Variants in LAMA5 observed in about 807,000 individuals in gnomAD.
The protein encoded by LAMA5 is laminin subunit alpha-5.
In LAMA5, 260 loss-of-function variants were observed where a neutral mutation model predicts 433.4. That is an observed-to-expected ratio of 0.60 (90% CI 0.54 to 0.66). LAMA5 has a LOEUF of 0.66. Ranked by LOEUF, LAMA5 falls within the 30% of genes least tolerant of loss-of-function variation. The pLI is 0.00. For missense variants in LAMA5, 5,378 were observed against 5,258.5 expected, an observed-to-expected ratio of 1.02 and a Z score of -0.70; for synonymous variants, 2,620 against 2,226.6, an observed-to-expected ratio of 1.18 and a Z score of -4.97.
intron 7 of LAMA5, 54 bp downstream of exon 7, chr20:62,346,859 C>G: frequency 6.2e-7 from 1 of 1,606,926 alleles, no homozygotes; most frequent in Non-Finnish European, 8.5e-7. Flanking sequence ...CACCGGGGCC[C>G]TCTCATGGGC....
rs144323773 is a variant in LAMA5 at position 62,312,527 on chromosome 20, C to T, written c.9233G>A (p.Arg3078Gln). 758 of 1,599,190 alleles carry T rather than the reference C, an allele frequency of 4.7e-4. No homozygotes were observed. The highest frequency in any genetic ancestry group is 7.3e-4 in the Admixed American group (44 of 59,914). The change falls in exon 68 of 80, where the codon CGA becomes CAA. Residue 3078 changes from arginine to glutamine, a missense_variant. Arg to Gln is a conservative substitution (Grantham distance 43). Coordinates refer to ENST00000252999, the MANE Select transcript of LAMA5 (RefSeq NM_005560.6). Reference protein sequence around the residue: ...VPPDQLPPSLRRLFPTGGSVR... With the variant: ...VPPDQLPPSLQRLFPTGGSVR... ...TGAGCCTCCGGTGGGGAAGAGCCGTCGCAGGCTGTGGGGAAGCGGGGATGC... is the reference window on the plus strand; with the variant it reads ...TGAGCCTCCGGTGGGGAAGAGCCGTTGCAGGCTGTGGGGAAGCGGGGATGC...
intron 18 of LAMA5, 51 bp downstream of exon 18, chr20:62,336,289 G>T (rs755563823): frequency 2.3e-6 from 3 of 1,329,610 alleles, no homozygotes; most frequent in South Asian, 2.7e-5. Flanking sequence ...ATACTTGTGG[G>T]CACAGTTCCC....
chr20:62,328,510 A>T, intron 34 of LAMA5, 65 bp from the exon 35 acceptor site: 20 of 1,414,090 alleles, frequency 1.4e-5, no homozygotes, highest in Non-Finnish European at 1.8e-5. Flanking sequence ...GAGGCCCAGA[A>T]TGCAGCCCTA....
At position 62,360,524 on chromosome 20, in the gene LAMA5, TGGGTGG is replaced by T. The variant is rs1273757052; in HGVS notation, c.450+1870_450+1875del. 2.3e-3 allele frequency among the ~76,000 whole-genome samples: 4 copies of T among 1,750 alleles called. 2 individuals carry two copies. Among genetic ancestry groups the T allele is most frequent in the African/African-American group, 9.4e-3 (4 of 424 alleles). 1.1% of individuals were successfully genotyped at this position (1,750 alleles called of 152,430 possible). On this transcript the variant is annotated intron_variant, in intron 2 of 79. Transcript: ENST00000252999. ...GTGGAGGGATAGATGGGTGGGTGGG[TGGGTGG>T]AGGGATAGATGGGTGGTGGGTGGGT...
At chr20:62,354,157 C>G (rs595493) in intron 2 of LAMA5, among the ~76,000 whole-genome samples, 139,117 of 152,098 alleles carry the variant, frequency 0.91, 64,230 homozygotes, top group Non-Finnish European at 0.98. Context: ...GGCTGGGGGA[C>G]AGCCTGGCTC....
At chr20:62,311,346 AGG>A in intron 72 of LAMA5, 39 bp from the exon 73 acceptor site, 1 of 1,522,146 alleles carries the variant, frequency 6.6e-7, no homozygotes, top group African/African-American at 1.4e-5. Context: ...CCGCCCACAC[AGG>A]GGCCACCCTT....
rs543109492 is a variant in LAMA5 at position 62,323,495 on chromosome 20, C to T, written c.6025G>A (p.Gly2009Ser). Residue 2009 changes from glycine to serine, a missense_variant, in exon 45 of 80, where the codon GGC becomes AGC. Gly to Ser is a moderately conservative substitution (Grantham distance 56). Coordinates refer to ENST00000252999, the MANE Select transcript of LAMA5 (RefSeq NM_005560.6). Reference protein sequence around the residue: ...TGPRCEICAPGFYGNALLPGN... With the variant: ...TGPRCEICAPSFYGNALLPGN... Reference sequence around the variant, plus strand: ...GGCAGCAGGGCGTTGCCGTAGAAGCCGGGGGCACAGATCTCGCAGCGGGGC... The same window carrying T: ...GGCAGCAGGGCGTTGCCGTAGAAGCTGGGGGCACAGATCTCGCAGCGGGGC... 7 of 1,556,282 alleles carry T rather than the reference C, an allele frequency of 4.5e-6. No homozygotes were observed. In the Admixed American group the frequency reaches 5.9e-5, roughly 13 times the overall value.
chr20:62,313,859 G>A (rs1986602400), intron 62 of LAMA5, 57 bp from the exon 63 acceptor site: 1 of 1,480,582 alleles, frequency 6.8e-7, no homozygotes, highest in Admixed American at 1.9e-5. Context: ...GGTGGCGAGT[G>A]GGCACGGAGA....
At chr20:62,350,613 G>A (rs1984144259) in intron 6 of LAMA5, among the ~76,000 whole-genome samples, 1 of 152,186 alleles carries the variant, frequency 6.6e-6, no homozygotes, top group Admixed American at 6.5e-5. Context: ...AAGTTGGGCT[G>A]CTCGGTTGCA....
intron 11 of LAMA5, among the ~76,000 whole-genome samples, chr20:62,341,463 T>C (rs1320842326): frequency 6.6e-6 from 1 of 152,186 alleles, no homozygotes; most frequent in African/African-American, 2.4e-5. Flanking sequence ...TCCTGTGTTG[T>C]AGGAGGTTCC....
Position 62,323,139 on chromosome 20 carries a change from T to TGGGTA in LAMA5, c.6064+312_6064+316dup, listed in dbSNP as rs552297986. 8.5e-3 allele frequency among the ~76,000 whole-genome samples: 603 copies of TGGGTA among 71,312 alleles called. 9 individuals are homozygous for TGGGTA. Among genetic ancestry groups the TGGGTA allele is most frequent in the Middle Eastern group, 0.074 (10 of 136 alleles). 46.8% of individuals were successfully genotyped at this position (71,312 alleles called of 152,430 possible). A position where few individuals can be genotyped will look rare whatever the true frequency, so the allele number is the denominator to read the frequency against. ...GATGGTGAAGGTGGGGGCCTGATCA[T>TGGGTA]GGGTAGGGGAGGGGGGATGTGATCC... On this transcript the variant is annotated intron_variant, in intron 45 of 79. Coordinates refer to ENST00000252999, the MANE Select transcript of LAMA5 (RefSeq NM_005560.6).
rs1185784886 is a variant in LAMA5 at position 62,353,200 on chromosome 20, C to T, written c.502G>A (p.Asp168Asn). 7 of 1,587,822 alleles carry T rather than the reference C, an allele frequency of 4.4e-6. No individual in the cohort carries two copies. The highest frequency in any genetic ancestry group is 6.0e-6 in the Non-Finnish European group (7 of 1,167,846). ...ATGGACCGCTCCAGCACCCAGAGGT[C>T]CGGCCGGGGTGAGTTGGCAAACTTG... is the stretch of plus-strand genomic sequence containing the variant. ...LIKFANSPRP[D>N]LWVLERSMDF... Residue 168 changes from aspartate (D) to asparagine (N), a missense_variant, in exon 3 of 80, where the codon GAC (aspartate) becomes AAC (asparagine). Coordinates refer to ENST00000252999, the MANE Select transcript of LAMA5 (RefSeq NM_005560.6).
intron 79 of LAMA5, 55 bp from the exon 80 acceptor site, chr20:62,309,530 C>T (rs1399630448): frequency 1.3e-6 from 2 of 1,497,750 alleles, no homozygotes; most frequent in Admixed American, 2.1e-5. Context: ...TAGAGACCCA[C>T]AGGCCCTTCC....
rs1280973779 is a variant in LAMA5 at position 62,334,543 on chromosome 20, G to C, written c.2561C>G (p.Thr854Ser). The change falls in exon 21 of 80, where the codon ACC (threonine) becomes AGC (serine). Residue 854 changes from threonine (T) to serine (S), a missense_variant. Coordinates refer to ENST00000252999, the MANE Select transcript of LAMA5 (RefSeq NM_005560.6). Reference sequence around the variant, plus strand: ...CCACTCGCTGCAGGTGGGGCCCTGGGTGTTGGGGCGGCACCGGCAGACGCC... The same window carrying C: ...CCACTCGCTGCAGGTGGGGCCCTGGCTGTTGGGGCGGCACCGGCAGACGCC... ...RTGVCRCRPN[T>S]QGPTCSEPAR... 1 of 1,548,606 alleles carries C rather than the reference G, an allele frequency of 6.5e-7. No individual in the cohort carries two copies. Among genetic ancestry groups the C allele is most frequent in the African/African-American group, 1.4e-5 (1 of 73,146 alleles).
rs778948948 is a variant in LAMA5 at position 62,312,409 on chromosome 20, G to A, written c.9351C>T (p.Ala3117=). ...NTTGVSAGCT[A]DLLVGRAMTF... is the part of the protein sequence containing the mutation. ...GGGGAGGGCTGCTCACCAGCAGGTC[G>A]GCGGTGCAGCCGGCGCTCACGCCTG... The change falls in exon 68 of 80, where the codon GCC becomes GCT. Residue 3117 remains alanine (A), a synonymous_variant. Coordinates refer to ENST00000252999, the MANE Select transcript of LAMA5 (RefSeq NM_005560.6). The A allele has an allele frequency of 1.2e-5, 19 of 1,598,300 alleles. No homozygotes were observed. The highest frequency in any genetic ancestry group is 5.3e-5 in the African/African-American group (4 of 75,016).
At chr20:62,352,209 GC>G (rs1263737337) in intron 4 of LAMA5, 32 bp downstream of exon 4, 1 of 1,568,940 alleles carries the variant, frequency 6.4e-7, no homozygotes. Context: ...CCGTTCTCCA[GC>G]CCCCGTACCG....
In LAMA5 at chr20:62,338,152, T is replaced by A; in HGVS notation, c.1757-2A>T. On this transcript the variant is annotated splice_acceptor_variant, in intron 13 of 79. Transcript: ENST00000252999. LOFTEE classifies it high-confidence loss of function. ...TTCCTGCAGGGCTGCAGCCACACAC[T>A]GCAGAGCGGAGCGGGTGTCACGGTA... 1.3e-6 allele frequency: 2 copies of A among 1,578,418 alleles called. No homozygotes were observed. Among genetic ancestry groups the A allele is most frequent in the Non-Finnish European group, 1.7e-6 (2 of 1,160,050 alleles).
chr20:62,360,877 C>A (rs532483038), intron 2 of LAMA5, among the ~76,000 whole-genome samples: 152 of 152,216 alleles, frequency 1.0e-3, no homozygotes, highest in African/African-American at 3.3e-3. Flanking sequence ...CCGAGAGAGC[C>A]CCAGAGCCAA....
Position 62,329,843 on chromosome 20 carries a change from C to G in LAMA5, c.4053G>C (p.Leu1351=), listed in dbSNP as rs768220979. The G allele has an allele frequency of 6.2e-7, 1 of 1,612,390 alleles. No individual in the cohort carries two copies. The highest frequency in any genetic ancestry group is 8.5e-7 in the Non-Finnish European group (1 of 1,179,850). ...RTLVVCEGQA[L]LDVTHSELTV... is the part of the protein sequence containing the mutation. ...TGAGCTCGCTGTGGGTCACGTCCAGCAGGGCCTGGCCCTCACACACCACCA... is the reference window on the plus strand; with the variant it reads ...TGAGCTCGCTGTGGGTCACGTCCAGGAGGGCCTGGCCCTCACACACCACCA... Residue 1351 remains leucine (L), a synonymous_variant, in exon 32 of 80, where the codon CTG becomes CTC. Transcript: ENST00000252999.
Sources: gnomAD v4.1 joint callset for allele counts (sites outside exome capture counted in the v4.1 genomes callset) on GRCh38, gnomAD v4.1.1 for gene constraint, MANE v1.5 for transcripts, NCBI Gene and HGNC (gene_info 2026-07-23, HGNC 2026-07-21) for gene names.